The following MEFV variants were observed in gnomAD, a reference collection of about 807,000 sequenced individuals.
The protein encoded by MEFV is pyrin.
In MEFV, 60 loss-of-function variants were observed where a neutral mutation model predicts 62.5. The ratio of observed to expected loss-of-function variants is 0.96; its 90% confidence interval spans 0.78 to 1.19. The LOEUF (loss-of-function observed/expected upper bound fraction) is 1.19. MEFV is among the 50% of genes most tolerant of loss of function. The pLI is 0.00. For synonymous variants in MEFV, 500 were observed against 415.2 expected (o/e 1.20, Z -2.48); for missense variants, 1,169 against 1,004.5 (o/e 1.16, Z -2.21).
In MEFV at chr16:3,242,361, CAAAAAAA is replaced by C. The variant is rs60407399; in HGVS notation, c.*773_*779del. On this transcript the variant is annotated 3_prime_UTR_variant, in exon 10 of 10. Coordinates refer to ENST00000219596, the MANE Select transcript of MEFV (RefSeq NM_000243.3). Reference sequence around the variant, plus strand: ...GGGTGACAAGAGCAAAACTTTGTCTCAAAAAAAAAAAAAAAAAAGAATCATAGGCCGG... The same window carrying C: ...GGGTGACAAGAGCAAAACTTTGTCTCAAAAAAAAAAAGAATCATAGGCCGG... The C allele has an allele frequency of 2.7e-5, 2 of 73,290 alleles. No homozygotes were observed. The highest frequency in any genetic ancestry group is 4.1e-4 in the South Asian group (1 of 2,448). The allele number at this position is 73,290 out of a possible 1,614,324, so 4.5% of individuals were successfully genotyped here. A position where few individuals can be genotyped will look rare whatever the true frequency, so the allele number is the denominator to read the frequency against.
chr16:3,254,220 G>A lies in MEFV; in HGVS notation c.848C>T (p.Pro283Leu), dbSNP rs104895119. ...CAGGTCCGCAGATGCCCCTCCATCC[G>A]GAGTGGGCCTTGCCCGGGGTTCTGT... ...SATEPRARPT[P>L]DGGASADLKE... Residue 283 changes from proline (P) to leucine (L), a missense_variant, in exon 2 of 10, where the codon CCG becomes CTG. Pro to Leu is a moderately conservative substitution (Grantham distance 98). Coordinates refer to ENST00000219596, the MANE Select transcript of MEFV (RefSeq NM_000243.3). 11 of 1,614,132 alleles carry A rather than the reference G, an allele frequency of 6.8e-6. No homozygotes were observed. The highest frequency in any genetic ancestry group is 8.5e-6 in the Non-Finnish European group (10 of 1,180,050).
rs104895111 is a variant in MEFV at position 3,254,317 on chromosome 16, C to T, written c.751G>A (p.Glu251Lys). The T allele has an allele frequency of 3.1e-6, 5 of 1,614,108 alleles. No individual in the cohort carries two copies. The highest frequency in any genetic ancestry group is 2.7e-5 in the African/African-American group (2 of 74,940). ...RSLEVTISTGEKAPANPEILL... is the reference protein window; with the variant it reads ...RSLEVTISTGKKAPANPEILL... ...ATTTCTGGATTTGCGGGCGCCTTCT[C>T]CCCTGTAGAAATGGTGACCTCAAGG... Residue 251 changes from glutamate (E) to lysine (K), a missense_variant, in exon 2 of 10, where the codon GAG (glutamate) becomes AAG (lysine). Transcript: ENST00000219596.
chr16:3,246,364 T>C, intron 6 of MEFV, 161 bp downstream of exon 6: 1 of 786,368 alleles, frequency 1.3e-6, no homozygotes, highest in South Asian at 1.6e-5. Context: ...CTTCTCCCTA[T>C]CAAATCCAGA....
rs767067 is a variant in MEFV at position 3,246,339 on chromosome 16, T to C, written c.1610+186A>G. On this transcript the variant is annotated intron_variant, in intron 6 of 9. Coordinates refer to ENST00000219596, the MANE Select transcript of MEFV (RefSeq NM_000243.3). ...CAGCTCCATACCCGGCCAGCCTCCC[T>C]GCTGACCAGATGCCCTTCTCCCTAT... 0.095 allele frequency: 62,670 copies of C among 661,684 alleles called. 5,252 individuals carry two copies. The highest frequency in any genetic ancestry group is 0.29 in the South Asian group (15,879 of 54,824). The allele number at this position is 661,684 out of a possible 1,614,324, so 41.0% of individuals were successfully genotyped here.
chr16:3,242,933 C>T lies in MEFV; in HGVS notation c.*208G>A, dbSNP rs1958878469. The T allele has an allele frequency of 1.6e-6, 1 of 615,466 alleles. No individual in the cohort carries two copies. Among genetic ancestry groups the T allele is most frequent in the South Asian group, 1.9e-5 (1 of 53,850 alleles). 38.1% of individuals were successfully genotyped at this position (615,466 alleles called of 1,614,324 possible). On this transcript the variant is annotated 3_prime_UTR_variant, in exon 10 of 10. Transcript: ENST00000219596. ...TCCTCCTCTGAAATCCATGGTGTGT[C>T]ATCAGTACATGTCTTCACCCGGATT...
In MEFV at chr16:3,255,082, C is replaced by T. The variant is rs1035514660; in HGVS notation, c.278-292G>A. Among the ~76,000 whole-genome samples, 9 of 152,236 alleles carry T rather than the reference C, an allele frequency of 5.9e-5. No individual in the cohort carries two copies. The East Asian group carries it at 1.7e-3, about 30-fold the overall frequency. On this transcript the variant is annotated intron_variant, in intron 1 of 9. Coordinates refer to ENST00000219596, the MANE Select transcript of MEFV (RefSeq NM_000243.3). ...CTGTAATCCCAGCTTCTCCAGAGGC[C>T]AAGGTGGGAGGATCATTTGAGGTCA... is the stretch of plus-strand genomic sequence containing the variant.
At chr16:3,247,434 G>C in intron 4 of MEFV, 188 bp from the exon 5 acceptor site, 1 of 604,376 alleles carries the variant, frequency 1.7e-6, no homozygotes, top group Non-Finnish European at 2.9e-6. Flanking sequence ...AGCATGGCTG[G>C]GGCTAGCTCT....
chr16:3,242,735 C>A lies in MEFV; in HGVS notation c.*406G>T. The A allele has an allele frequency of 3.5e-6, 1 of 285,558 alleles. No homozygotes were observed. The highest frequency in any genetic ancestry group is 6.9e-6 in the Non-Finnish European group (1 of 145,406). The allele number at this position is 285,558 out of a possible 1,614,324, so 17.7% of individuals were successfully genotyped here. ...GTACACAAATACTTCTATCCCAATC[C>A]AGTCTGCTTGCGTTTCTCTAGGCTT... On this transcript the variant is annotated 3_prime_UTR_variant, in exon 10 of 10. Transcript: ENST00000219596.
In MEFV at chr16:3,243,623, G is replaced by C. The variant is rs1458378740; in HGVS notation, c.1864C>G (p.Leu622Val). 1 of 1,599,796 alleles carries C rather than the reference G, an allele frequency of 6.3e-7. No individual in the cohort carries two copies. The stretch of plus-strand genomic sequence containing the variant: ...GGCAGCCTCTCCCACTTGTTTCCAA[G>C]TCTAACACTCTTCAGATCATCAGAG... ...IFSDDLKSVR[L>V]GNKWERLPDG... The change falls in exon 10 of 10, where the codon CTT (leucine) becomes GTT (valine). Residue 622 changes from leucine (L) to valine (V), a missense_variant. Coordinates refer to ENST00000219596, the MANE Select transcript of MEFV (RefSeq NM_000243.3).
chr16:3,248,081 A>C (rs1314290495), intron 4 of MEFV: 1 of 151,958 alleles, frequency 6.6e-6, no homozygotes, highest in African/African-American at 2.4e-5. Context: ...CAACACGGTG[A>C]AATCCCGTCT....
rs577802626 is a variant in MEFV at position 3,256,029 on chromosome 16, G to A, written c.277+282C>T. Among the ~76,000 whole-genome samples, 179 of 152,262 alleles carry A rather than the reference G, an allele frequency of 1.2e-3. 1 individual carries two copies. The highest frequency in any genetic ancestry group is 4.2e-3 in the African/African-American group (174 of 41,552). ...TCTGACATGAGTATTAATCATAAAT[G>A]TAGTGAAGAAGTCTCAAAGAACAGG... On this transcript the variant is annotated intron_variant, in intron 1 of 9. Coordinates refer to ENST00000219596, the MANE Select transcript of MEFV (RefSeq NM_000243.3).
intron 2 of MEFV, among the ~76,000 whole-genome samples, chr16:3,251,043 A>G (rs1018098722): frequency 3.3e-5 from 5 of 151,302 alleles, no homozygotes; most frequent in East Asian, 3.9e-4. Context: ...AAAAAAAAAA[A>G]AAAGAAATAG....
In MEFV at chr16:3,254,402, C is replaced by T. The variant is rs1959082734; in HGVS notation, c.666G>A (p.Gly222=). Residue 222 remains glycine, a synonymous_variant, in exon 2 of 10, where the codon GGG becomes GGA. Coordinates refer to ENST00000219596, the MANE Select transcript of MEFV (RefSeq NM_000243.3). ...CTTCGAAGGGCCTGCACTCCTTCTGCCCCGGGGCGCCCCCCGCCAGCCCCT... is the reference window on the plus strand; with the variant it reads ...CTTCGAAGGGCCTGCACTCCTTCTGTCCCGGGGCGCCCCCCGCCAGCCCCT... ...RLQGLAGGAP[G]QKECRPFEVY... is the part of the protein sequence containing the mutation. The T allele has an allele frequency of 6.2e-7, 1 of 1,613,094 alleles. No individual in the cohort carries two copies.
intron 2 of MEFV, among the ~76,000 whole-genome samples, chr16:3,250,367 G>A (rs376141223): frequency 6.6e-5 from 10 of 152,336 alleles, no homozygotes; most frequent in South Asian, 6.2e-4. Context: ...CCAGTGCTTT[G>A]GGAGGCCAAG....
rs879254216 is a variant in MEFV at position 3,243,885 on chromosome 16, C to T, written c.1767G>A (p.Glu589=). 1.2e-6 allele frequency: 2 copies of T among 1,613,920 alleles called. No homozygotes were observed. The highest frequency in any genetic ancestry group is 1.7e-6 in the Non-Finnish European group (2 of 1,180,006). Residue 589 remains glutamate (E), a synonymous_variant, in exon 9 of 10, where the codon GAG becomes GAA. Transcript: ENST00000219596. ...RSEMEMFNVP[E]LIGAQAHAVN... ...CAGCATGTGCCTGAGCGCCAATCAG[C>T]TCCGGAACTACGGAGAAAAATCAGA...
rs11466049 is a variant in MEFV at position 3,243,074 on chromosome 16, C to T, written c.*67G>A. 3.3e-4 allele frequency: 511 copies of T among 1,554,230 alleles called. 1 individual carries two copies. In the African/African-American group the frequency reaches 6.1e-3, roughly 19 times the overall value. On this transcript the variant is annotated 3_prime_UTR_variant, in exon 10 of 10. Coordinates refer to ENST00000219596, the MANE Select transcript of MEFV (RefSeq NM_000243.3). ...AGCAGCTAGCACCTAGTCGGCATTC[C>T]GTGACTATTGAGTGTGAATGCAAGA...
chr16:3,250,637 G>A (rs1228359793), intron 2 of MEFV, among the ~76,000 whole-genome samples: 1 of 151,646 alleles, frequency 6.6e-6, no homozygotes, highest in Non-Finnish European at 1.5e-5. Context: ...CTAAAGACTG[G>A]AACTCATCAT....
chr16:3,248,212 T>C (rs983530899), intron 4 of MEFV, among the ~76,000 whole-genome samples: 1 of 151,338 alleles, frequency 6.6e-6, no homozygotes, highest in Non-Finnish European at 1.5e-5. Flanking sequence ...CAAGCCAAGA[T>C]CGTGCCACTG....
At chr16:3,249,132 G>A (rs1958991465) in intron 3 of MEFV, 128 bp from the exon 4 acceptor site, 1 of 940,088 alleles carries the variant, frequency 1.1e-6, no homozygotes, top group Non-Finnish European at 1.7e-6. Flanking sequence ...GGCATGGGGA[G>A]GGGTGCTCAG....
Sources: allele counts gnomAD v4.1 joint callset (sites outside exome capture counted in the v4.1 genomes callset), GRCh38; gene constraint gnomAD v4.1.1; transcripts MANE v1.5; gene names NCBI Gene and HGNC (gene_info 2026-07-23, HGNC 2026-07-21).